Variants in SNX8 observed in about 807,000 individuals in gnomAD.
The protein encoded by SNX8 is sorting nexin-8.
A neutral mutation model predicts 51.6 loss-of-function variants in SNX8; 25 were observed. The observed-to-expected ratio is 0.48, with a 90% CI of 0.35 to 0.68. The LOEUF (loss-of-function observed/expected upper bound fraction) is 0.68. SNX8 is among the 30% of genes least tolerant of loss of function. SNX8 has a pLI of 0.00. For synonymous variants in SNX8, 324 were observed against 277.0 expected, an observed-to-expected ratio of 1.17 and a Z score of -1.68; for missense variants, 695 against 624.0, an observed-to-expected ratio of 1.11 and a Z score of -1.21.
intron 1 of SNX8, among the ~76,000 whole-genome samples, chr7:2,308,566 A>T (rs1421823315): frequency 1.7e-4 from 26 of 150,816 alleles, no homozygotes; most frequent in Non-Finnish European, 1.5e-5. Flanking sequence ...TACGGGGGAG[A>T]CTGAGGCAGG....
chr7:2,292,175 A>G (rs942817709), intron 1 of SNX8, among the ~76,000 whole-genome samples: 1 of 152,038 alleles, frequency 6.6e-6, no homozygotes, highest in African/African-American at 2.4e-5. Flanking sequence ...AGGCAGGAGA[A>G]TCACTTGAAC....
At chr7:2,299,221 A>AC (rs955848480) in intron 1 of SNX8, 2 of 151,384 alleles carry the variant, frequency 1.3e-5, no homozygotes, top group African/African-American at 4.9e-5. Context: ...CTGCATATGA[A>AC]CCCCCCACGC....
intron 1 of SNX8, among the ~76,000 whole-genome samples, chr7:2,321,943 C>T (rs1778527368): frequency 6.7e-6 from 1 of 149,752 alleles, no homozygotes; most frequent in African/African-American, 2.5e-5. Flanking sequence ...AAACTGGTCT[C>T]GAACTCCTGG....
upstream of SNX8, among the ~76,000 whole-genome samples, chr7:2,315,914 CCACT>C (rs368821731): frequency 1.2e-3 from 167 of 142,064 alleles, 2 homozygotes; most frequent in African/African-American, 2.8e-3. Context: ...ATTCATCCAC[CCACT>C]CACTCACTCA....
intron 1 of SNX8, among the ~76,000 whole-genome samples, chr7:2,293,915 G>A (rs947689255): frequency 6.7e-6 from 1 of 150,312 alleles, no homozygotes; most frequent in East Asian, 2.0e-4. Flanking sequence ...GCAGTGAGCC[G>A]AGATCACACC....
rs138672923 is a variant in SNX8, at chr7:2,283,076, G to A, written c.95-4771C>T. Reference sequence around the variant, plus strand: ...GCGGAGCTTGCAGTGAGCAGAGATCGCGCCACTGCACTCCAGCCTGGGCGA... The same window carrying A: ...GCGGAGCTTGCAGTGAGCAGAGATCACGCCACTGCACTCCAGCCTGGGCGA... On this transcript the variant is annotated intron_variant, in intron 1 of 10. Coordinates refer to ENST00000222990, the MANE Select transcript of SNX8 (RefSeq NM_013321.4). Among the ~76,000 whole-genome samples the A allele has an allele frequency of 4.0e-4, 60 of 151,762 alleles. 2 individuals carry two copies. In the East Asian group the frequency reaches 0.01, roughly 26 times the overall value.
At chr7:2,272,678 G>A (rs1176653475) in intron 3 of SNX8, among the ~76,000 whole-genome samples, 4 of 151,594 alleles carry the variant, frequency 2.6e-5, no homozygotes, top group African/African-American at 9.7e-5. Context: ...GCCCGGCCGA[G>A]TTTTTCTATT....
upstream of SNX8, among the ~76,000 whole-genome samples, chr7:2,315,391 C>T (rs576153481): frequency 8.6e-5 from 12 of 139,484 alleles, no homozygotes; most frequent in Admixed American, 3.6e-4. Context: ...CATTCATTCA[C>T]CCACTCACCC....
At chr7:2,347,396 G>A (rs1583129779) in intron 1 of SNX8, among the ~76,000 whole-genome samples, 2 of 147,832 alleles carry the variant, frequency 1.4e-5, no homozygotes, top group Admixed American at 6.9e-5. Context: ...CAGGAGAATC[G>A]CTTGAACCTA....
At chr7:2,260,601 G>A (rs1305182294) in intron 7 of SNX8, among the ~76,000 whole-genome samples, 1 of 152,104 alleles carries the variant, frequency 6.6e-6, no homozygotes, top group Non-Finnish European at 1.5e-5. Flanking sequence ...GCTCCTAATA[G>A]GTCTGGGGAG....
intron 1 of SNX8, among the ~76,000 whole-genome samples, chr7:2,297,796 C>T (rs74429066): frequency 1.3e-5 from 2 of 151,716 alleles, no homozygotes; most frequent in African/African-American, 4.9e-5. Flanking sequence ...GATCAGAAAC[C>T]CAAATACCAC....
intron 4 of SNX8, 109 bp from the exon 5 acceptor site, chr7:2,269,748 C>T (rs1795598560): frequency 1.6e-6 from 1 of 636,770 alleles, no homozygotes; most frequent in Non-Finnish European, 2.7e-6. Flanking sequence ...AGGAGAAACA[C>T]ATTTCCATAT....
chr7:2,287,601 A>T (rs1484600247), intron 1 of SNX8, among the ~76,000 whole-genome samples: 1 of 151,928 alleles, frequency 6.6e-6, no homozygotes, highest in Non-Finnish European at 1.5e-5. Flanking sequence ...TAATACAAAA[A>T]TTAGCTACAC....
intron 1 of SNX8, among the ~76,000 whole-genome samples, chr7:2,348,353 T>C (rs1779073500): frequency 6.8e-6 from 1 of 146,980 alleles, no homozygotes; most frequent in Non-Finnish European, 1.5e-5. Context: ...TTTTTTTTTT[T>C]TTTTTGAGAC....
Position 2,314,353 on chromosome 7 carries a change from GTCAGCCTCCGCC to G in SNX8, c.57_68del (p.Glu19_Ala22del). 8.2e-7 allele frequency: 1 copy of G among 1,224,114 alleles called. No homozygotes were observed. The highest frequency in any genetic ancestry group is 1.0e-6 in the Non-Finnish European group (1 of 982,706). 75.8% of individuals were successfully genotyped at this position (1,224,114 alleles called of 1,614,324 possible). On this transcript the variant is annotated inframe_deletion, in exon 1 of 11. Transcript: ENST00000222990. The stretch of plus-strand genomic sequence containing the variant: ...CTGACGCCGGGGGATCCGCCTCCTC[GTCAGCCTCCGCC>G]TCAGCTGCCGCCCCGACTGCAGCCG...
intron 1 of SNX8, among the ~76,000 whole-genome samples, chr7:2,303,224 G>A (rs1181342333): frequency 6.9e-6 from 1 of 143,990 alleles, no homozygotes; most frequent in Admixed American, 6.9e-5. Flanking sequence ...CCCCGTCCAG[G>A]AGGGAGGTCA....
intron 1 of SNX8, among the ~76,000 whole-genome samples, chr7:2,314,080 G>C (rs1187635366): frequency 3.3e-5 from 5 of 152,188 alleles, no homozygotes; most frequent in African/African-American, 1.2e-4. Context: ...AACCTGGACA[G>C]GGCTCTCCCG....
intron 1 of SNX8, among the ~76,000 whole-genome samples, chr7:2,313,341 C>T (rs1429565574): frequency 6.6e-6 from 1 of 151,522 alleles, no homozygotes; most frequent in African/African-American, 2.4e-5. Context: ...GCCTGGCCAA[C>T]ATGGTGAAAC....
chr7:2,317,069 A>C (rs1195773038), upstream of SNX8, among the ~76,000 whole-genome samples: 2 of 151,872 alleles, frequency 1.3e-5, no homozygotes, highest in African/African-American at 4.8e-5. Flanking sequence ...GGATCCCTGG[A>C]TGGGTGGTAC....
Sources: allele counts gnomAD v4.1 joint callset (sites outside exome capture counted in the v4.1 genomes callset), GRCh38; gene constraint gnomAD v4.1.1; transcripts MANE v1.5; gene names NCBI Gene and HGNC (gene_info 2026-07-23, HGNC 2026-07-21).